RIF1: variants seen among roughly 807,000 people sequenced by gnomAD.
The protein encoded by RIF1 is replication timing regulatory factor 1, also known as telomere-associated protein RIF1.
A neutral mutation model predicts 247.1 loss-of-function variants in RIF1; 45 were observed. The ratio of observed to expected loss-of-function variants is 0.18; its 90% CI spans 0.14 to 0.23. The LOEUF (loss-of-function observed/expected upper bound fraction) is 0.23, where lower values mean the gene tolerates loss of function less well. RIF1 is among the 10% of genes least tolerant of loss of function. The pLI is 1.00. For synonymous variants in RIF1, 1,087 were observed against 978.8 expected, an observed-to-expected ratio of 1.11 and a Z score of -2.06; for missense variants, 2,967 against 2,862.5, an observed-to-expected ratio of 1.04 and a Z score of -0.83.
chr2:151,478,578 C>T lies in RIF1; in HGVS notation c.*3507C>T, dbSNP rs895851950. The T allele has an allele frequency of 1.3e-5, 2 of 150,680 alleles. No individual in the cohort carries two copies. The highest frequency in any genetic ancestry group is 4.9e-5 in the African/African-American group (2 of 40,898). The allele number at this position is 150,680 out of a possible 1,614,324, so 9.3% of individuals were successfully genotyped here. A position where few individuals can be genotyped will look rare whatever the true frequency, so the allele number is the denominator to read the frequency against. On this transcript the variant is annotated 3_prime_UTR_variant, in exon 36 of 36. Coordinates refer to ENST00000444746, the MANE Select transcript of RIF1 (RefSeq NM_018151.5). ...AAAGACTCTGTTACAATTTAAACAT[C>T]ATAAAAATGTGAAGAGTAAGTGGTG... is the stretch of plus-strand genomic sequence containing the variant.
At chr2:151,427,022 C>T (rs551975049) in intron 8 of RIF1, among the ~76,000 whole-genome samples, 4 of 151,908 alleles carry the variant, frequency 2.6e-5, no homozygotes, top group East Asian at 1.9e-4. Context: ...AGATCTATTA[C>T]GAAGTATTTC....
chr2:151,469,860 A>C lies in RIF1; in HGVS notation c.7091A>C (p.Gln2364Pro). ...AAGGCTCTCAGAATATATCATGAGCAGCAGGTAAAAACTTAGATATTAGCT... is the reference window on the plus strand; with the variant it reads ...AAGGCTCTCAGAATATATCATGAGCCGCAGGTAAAAACTTAGATATTAGCT... ...VKKALRIYHE[Q>P]QVKTRGLEEI... The change falls in exon 34 of 36, where the codon CAG (glutamine) becomes CCG (proline). Residue 2364 changes from glutamine (Q) to proline (P), a missense_variant. Physicochemically the swap from Gln to Pro is moderately conservative, Grantham distance 76. Around this residue, in one of 7 missense-constraint regions of RIF1, gnomAD observed 151 missense variants for 163.4 expected, o/e 0.92. Transcript: ENST00000444746. The C allele has an allele frequency of 6.3e-7, 1 of 1,597,164 alleles. No homozygotes were observed. Among genetic ancestry groups the C allele is most frequent in the Non-Finnish European group, 8.5e-7 (1 of 1,173,818 alleles).
At chr2:151,430,855 C>T (rs1255474341) in intron 9 of RIF1, among the ~76,000 whole-genome samples, 3 of 152,054 alleles carry the variant, frequency 2.0e-5, no homozygotes, top group Non-Finnish European at 4.4e-5. Context: ...GATTTGACCA[C>T]GTTGCCCGGG....
At chr2:151,533,213 A>C in the RIF1 span, among the ~76,000 whole-genome samples, 1 of 152,254 alleles carries the variant, frequency 6.6e-6, no homozygotes, top group Non-Finnish European at 1.5e-5. Context: ...TGAAAGAATC[A>C]GTTAATTTTA....
At chr2:151,474,100 T>C (rs1229193736) in intron 35 of RIF1, 28 bp downstream of exon 35, 1 of 1,056,938 alleles carries the variant, frequency 9.5e-7, no homozygotes, top group East Asian at 2.4e-5. Context: ...TGGGATAATT[T>C]TATTTAGAAG....
At chr2:151,485,703 G>A (rs566096042), downstream of RIF1, 309 of 1,525,160 alleles carry the variant, frequency 2.0e-4, 1 homozygote, top group African/African-American at 3.3e-3. Context: ...AGTCTAAACC[G>A]AAACATTGAC....
chr2:151,447,477 A>G (rs370700993), intron 20 of RIF1, among the ~76,000 whole-genome samples: 3 of 152,312 alleles, frequency 2.0e-5, no homozygotes, highest in African/African-American at 4.8e-5. Context: ...ATATAGCTCT[A>G]TTATTTGTTT....
downstream of RIF1, chr2:151,485,205 C>T (rs1444421553): frequency 6.6e-6 from 1 of 152,158 alleles, no homozygotes; most frequent in Non-Finnish European, 1.5e-5. Flanking sequence ...AGAATGTCTA[C>T]TCTTAGGCAT....
Position 151,463,143 on chromosome 2 carries a change from C to T in RIF1, c.3623C>T (p.Ala1208Val), listed in dbSNP as rs1164628952. 1.2e-6 allele frequency: 2 copies of T among 1,613,980 alleles called. No individual in the cohort carries two copies. The highest frequency in any genetic ancestry group is 8.5e-7 in the Non-Finnish European group (1 of 1,179,996). ...AGTTCAGTTTCTAATACCACTGTTG[C>T]TGGAACTCCCCCATACCCTACAAGT... is the stretch of plus-strand genomic sequence containing the variant. The part of the protein sequence containing the change: ...SSSSVSNTTV[A>V]GTPPYPTSRR... Residue 1208 changes from alanine (A) to valine (V), a missense_variant, in exon 30 of 36, where the codon GCT becomes GTT. By Grantham distance (64) the Ala-to-Val change is moderately conservative. Transcript: ENST00000444746.
the RIF1 span, chr2:151,516,427 CATT>C: frequency 7.0e-7 from 1 of 1,433,374 alleles, no homozygotes; most frequent in Non-Finnish European, 9.8e-7. Context: ...TGTGATGGAT[CATT>C]GTTGTGTGGT....
At position 151,464,888 on chromosome 2, in the gene RIF1, G is replaced by A. The variant is rs1179814558; in HGVS notation, c.5368G>A (p.Glu1790Lys). The A allele has an allele frequency of 2.5e-6, 4 of 1,590,124 alleles. No homozygotes were observed. Among genetic ancestry groups the A allele is most frequent in the Non-Finnish European group, 3.4e-6 (4 of 1,172,606 alleles). ...NPYSEGQFLD[E>K]HHSVNFHLGL... is the part of the protein sequence containing the mutation. ...ATATTCTGAAGGACAATTTTTAGAT[G>A]AACATCATAGTGTGAATTTTCATTT... The change falls in exon 30 of 36, where the codon GAA becomes AAA. Residue 1790 changes from glutamate to lysine, a missense_variant. Glu to Lys is a moderately conservative substitution (Grantham distance 56, BLOSUM62 1). Around this residue, in one of 7 missense-constraint regions of RIF1, gnomAD observed 2,028 missense variants for 1,825.6 expected, o/e 1.11. Coordinates refer to ENST00000444746, the MANE Select transcript of RIF1 (RefSeq NM_018151.5).
At chr2:151,452,291 A>G (rs1315044135) in intron 21 of RIF1, among the ~76,000 whole-genome samples, 1 of 152,248 alleles carries the variant, frequency 6.6e-6, no homozygotes, top group East Asian at 1.9e-4. Flanking sequence ...GTTATTTTGT[A>G]GCAAATAGTT....
chr2:151,462,155 G>A lies in RIF1; in HGVS notation c.3228-87G>A. The A allele has an allele frequency of 4.5e-6, 4 of 882,002 alleles. No homozygotes were observed. The African/African-American group carries it at 5.2e-5, about 11-fold the overall frequency. 54.6% of individuals were successfully genotyped at this position (882,002 alleles called of 1,614,324 possible). On this transcript the variant is annotated intron_variant, in intron 27 of 35. Transcript: ENST00000444746. Reference sequence around the variant, plus strand: ...CCCAAAGTGCTGGGATTACAGGCGTGAGCCACCGTACCTGGCCATAAGTTT... The same window carrying A: ...CCCAAAGTGCTGGGATTACAGGCGTAAGCCACCGTACCTGGCCATAAGTTT...
At chr2:151,410,572 G>T in intron 2 of RIF1, 45 bp downstream of exon 2, 2 of 1,482,966 alleles carry the variant, frequency 1.3e-6, no homozygotes, top group Non-Finnish European at 1.9e-6. Context: ...GCGCTCTATA[G>T]TGGGGAGAAA....
At chr2:151,510,212 C>G (rs2073028686), downstream of RIF1, among the ~76,000 whole-genome samples, 1 of 152,126 alleles carries the variant, frequency 6.6e-6, no homozygotes, top group African/African-American at 2.4e-5. Flanking sequence ...TTCAGACCCC[C>G]AATAAACTTG....
the RIF1 span, chr2:151,529,154 G>A: frequency 8.5e-7 from 1 of 1,178,000 alleles, no homozygotes; most frequent in Non-Finnish European, 1.3e-6. Context: ...GAGGCCATGT[G>A]TCCTACAGAA....
At chr2:151,435,675 G>T in intron 11 of RIF1, 95 bp downstream of exon 11, 1 of 647,792 alleles carries the variant, frequency 1.5e-6, no homozygotes, top group South Asian at 2.3e-5. Flanking sequence ...GGCTTTGAGA[G>T]GTTTTGCTCA....
In RIF1 at chr2:151,460,141, C is replaced by A. The variant is rs75413772; in HGVS notation, c.3075+22C>A. 2.6e-3 allele frequency: 3,930 copies of A among 1,488,338 alleles called. 11 individuals are homozygous for A. The highest frequency in any genetic ancestry group is 5.6e-3 in the Middle Eastern group (30 of 5,326). 92.2% of individuals were successfully genotyped at this position (1,488,338 alleles called of 1,614,324 possible). On this transcript the variant is annotated intron_variant, in intron 26 of 35. Transcript: ENST00000444746. ...CAAAGTATGTTTTCAAAAGTTTAAT[C>A]AAAAATTTTAAGATAAAGTATATTG...
At chr2:151,448,054 G>A (rs1195606061) in intron 20 of RIF1, among the ~76,000 whole-genome samples, 1 of 146,690 alleles carries the variant, frequency 6.8e-6, no homozygotes, top group African/African-American at 2.5e-5. Context: ...TTTTTTTCTT[G>A]CCCCTGAGAC....
Sources: gnomAD v4.1 joint callset for allele counts (sites outside exome capture counted in the v4.1 genomes callset) on GRCh38, gnomAD v4.1.1 for gene constraint, gnomAD v4.1.1 regional missense constraint, MANE v1.5 for transcripts, NCBI Gene and HGNC (gene_info 2026-07-23, HGNC 2026-07-21) for gene names.